EYA2: variants seen among roughly 807,000 people sequenced by gnomAD.
The protein encoded by EYA2 is protein phosphatase EYA2.
In EYA2, 31 loss-of-function variants were observed where a neutral mutation model predicts 69.2. The ratio of observed to expected loss-of-function variants is 0.45; its 90% CI spans 0.34 to 0.60. EYA2 has a LOEUF of 0.60. Ranked by LOEUF, EYA2 falls within the 20% of genes least tolerant of loss-of-function variation. The pLI is 0.02. For missense variants in EYA2, 622 were observed against 701.2 expected, an observed-to-expected ratio of 0.89 and a Z score of 1.28; for synonymous variants, 257 against 279.4, an observed-to-expected ratio of 0.92 and a Z score of 0.80.
At chr20:47,126,332 C>G (rs527811298) in intron 9 of EYA2, among the ~76,000 whole-genome samples, 1 of 152,326 alleles carries the variant, frequency 6.6e-6, no homozygotes, top group Admixed American at 6.5e-5. Flanking sequence ...TTGCCGCAAG[C>G]CGCCCATGCA....
chr20:46,969,795 C>T (rs941980761), intron 1 of EYA2, among the ~76,000 whole-genome samples: 16 of 152,146 alleles, frequency 1.1e-4, no homozygotes, highest in African/African-American at 3.9e-4. Context: ...TAAACCTGGG[C>T]AAGGGAATGT....
chr20:47,129,875 T>G (rs1462919261), intron 9 of EYA2, among the ~76,000 whole-genome samples: 11 of 152,216 alleles, frequency 7.2e-5, no homozygotes, highest in African/African-American at 2.2e-4. Context: ...ATTATTATTT[T>G]GGGGAACTAT....
intron 1 of EYA2, among the ~76,000 whole-genome samples, chr20:46,938,005 CT>C (rs1568676034): frequency 6.6e-6 from 1 of 152,136 alleles, no homozygotes; most frequent in East Asian, 1.9e-4. Flanking sequence ...TCGATCTTAT[CT>C]TATCCCCATT....
intron 5 of EYA2, among the ~76,000 whole-genome samples, chr20:47,059,565 G>A (rs1421468713): frequency 6.6e-6 from 1 of 152,198 alleles, no homozygotes; most frequent in Non-Finnish European, 1.5e-5. Flanking sequence ...TGGCCAGGCT[G>A]GTCTCGAACT....
At chr20:47,143,765 A>G (rs1568805778) in intron 10 of EYA2, among the ~76,000 whole-genome samples, 9 of 152,210 alleles carry the variant, frequency 5.9e-5, no homozygotes. Context: ...AATGGGAAAC[A>G]TATTTAGAAT....
intron 12 of EYA2, among the ~76,000 whole-genome samples, chr20:47,174,791 C>G (rs957695662): frequency 4.6e-5 from 7 of 152,198 alleles, no homozygotes; most frequent in Admixed American, 2.6e-4. Flanking sequence ...AGTAACCTGC[C>G]CAGCGTCACA....
At chr20:47,018,688 C>T (rs1205284115) in intron 5 of EYA2, among the ~76,000 whole-genome samples, 3 of 152,230 alleles carry the variant, frequency 2.0e-5, no homozygotes, top group Non-Finnish European at 2.9e-5. Flanking sequence ...GGAGCCTCAT[C>T]CTATCCTCCC....
chr20:47,008,126 C>G (rs76796569), intron 4 of EYA2, among the ~76,000 whole-genome samples: 3 of 152,166 alleles, frequency 2.0e-5, no homozygotes, highest in Non-Finnish European at 4.4e-5. Context: ...CAGGTCCTGT[C>G]GAGGCATCAG....
At chr20:47,033,543 C>T (rs1165314448) in intron 5 of EYA2, among the ~76,000 whole-genome samples, 1 of 152,166 alleles carries the variant, frequency 6.6e-6, no homozygotes, top group Non-Finnish European at 1.5e-5. Context: ...CTATGGCTGC[C>T]TTTAGTGCTG....
intron 9 of EYA2, among the ~76,000 whole-genome samples, chr20:47,134,325 GA>G (rs1330718259): frequency 6.6e-6 from 1 of 152,168 alleles, no homozygotes; most frequent in African/African-American, 2.4e-5. Context: ...ATGGAGTCTG[GA>G]GTCAGATTAG....
rs78261320 is a variant in EYA2 at position 47,053,830 on chromosome 20, A to C, written c.416-18355A>C. 2.3e-3 allele frequency among the ~76,000 whole-genome samples: 344 copies of C among 151,890 alleles called. 1 individual carries two copies. The highest frequency in any genetic ancestry group is 3.6e-3 in the Non-Finnish European group (247 of 67,916). ...GCCCCCTTGAGAATACGTGGGCTAAAATTTCCACAAAGGAGGGGCTCAGGG... is the reference window on the plus strand; with the variant it reads ...GCCCCCTTGAGAATACGTGGGCTAACATTTCCACAAAGGAGGGGCTCAGGG... On this transcript the variant is annotated intron_variant, in intron 5 of 15. Coordinates refer to ENST00000327619, the MANE Select transcript of EYA2 (RefSeq NM_005244.5).
chr20:47,108,919 G>A (rs2032671066), intron 9 of EYA2, among the ~76,000 whole-genome samples: 1 of 152,062 alleles, frequency 6.6e-6, no homozygotes, highest in African/African-American at 2.4e-5. Context: ...AAGTGGCCAG[G>A]TTGGAATCCT....
At chr20:46,943,673 A>G (rs1041455160) in intron 1 of EYA2, among the ~76,000 whole-genome samples, 9 of 152,210 alleles carry the variant, frequency 5.9e-5, no homozygotes, top group African/African-American at 1.7e-4. Context: ...CAAGCACGAC[A>G]TATACCCAAA....
chr20:47,125,889 T>C (rs2033179064), intron 9 of EYA2, among the ~76,000 whole-genome samples: 1 of 152,120 alleles, frequency 6.6e-6, no homozygotes, highest in Non-Finnish European at 1.5e-5. Flanking sequence ...TGTGTGTTTT[T>C]TTTTCTTTAA....
At chr20:46,910,644 TC>T (rs1264834957) in intron 1 of EYA2, among the ~76,000 whole-genome samples, 1 of 152,194 alleles carries the variant, frequency 6.6e-6, no homozygotes, top group African/African-American at 2.4e-5. Flanking sequence ...AGCCTGGATT[TC>T]TTTTTCTGCT....
intron 5 of EYA2, among the ~76,000 whole-genome samples, chr20:47,067,147 G>A (rs745867187): frequency 4.6e-5 from 7 of 152,156 alleles, no homozygotes; most frequent in Admixed American, 1.3e-4. Flanking sequence ...GGGACAAGAC[G>A]ATAGCCTGTT....
intron 10 of EYA2, among the ~76,000 whole-genome samples, chr20:47,164,480 G>T (rs746523731): frequency 1.3e-5 from 2 of 152,208 alleles, no homozygotes; most frequent in Non-Finnish European, 2.9e-5. Context: ...CCTGGGGGGC[G>T]GAGGGGGTGT....
chr20:47,172,571 C>A, intron 11 of EYA2, 136 bp from the exon 12 acceptor site: 1 of 788,564 alleles, frequency 1.3e-6, no homozygotes, highest in Non-Finnish European at 2.0e-6. Flanking sequence ...TGCACACTCG[C>A]AGCACCCTGT....
At chr20:47,108,469 A>G (rs961246781) in intron 9 of EYA2, among the ~76,000 whole-genome samples, 13 of 152,232 alleles carry the variant, frequency 8.5e-5, no homozygotes, top group Non-Finnish European at 1.8e-4. Flanking sequence ...TGTGAGCCAA[A>G]TAAACCTCTT....
Sources: gnomAD v4.1 joint callset for allele counts (sites outside exome capture counted in the v4.1 genomes callset) on GRCh38, gnomAD v4.1.1 for gene constraint, MANE v1.5 for transcripts, NCBI Gene and HGNC (gene_info 2026-07-23, HGNC 2026-07-21) for gene names.